Variants in PRKN observed in about 807,000 individuals in gnomAD.
PRKN encodes the protein parkin RBR E3 ubiquitin protein ligase.
In PRKN, 56 loss-of-function variants were observed where a neutral mutation model predicts 59.5. The observed-to-expected ratio is 0.94, with a 90% confidence interval of 0.76 to 1.18. The LOEUF is 1.18. Among genes scored for constraint, PRKN ranks in the 50% most tolerant of loss-of-function variants. PRKN has a pLI of 0.00. For synonymous variants in PRKN, 250 were observed against 222.1 expected (o/e 1.13, Z -1.12); for missense variants, 657 against 596.4 (o/e 1.10, Z -1.06).
At chr6:161,607,562 T>C (rs1782328076) in intron 7 of PRKN, among the ~76,000 whole-genome samples, 1 of 152,018 alleles carries the variant, frequency 6.6e-6, no homozygotes, top group Non-Finnish European at 1.5e-5. Context: ...TTTTAAAAAT[T>C]TAGTCAGTTT....
chr6:162,207,180 G>T (rs887867137), intron 3 of PRKN, among the ~76,000 whole-genome samples: 1 of 152,052 alleles, frequency 6.6e-6, no homozygotes, highest in African/African-American at 2.4e-5. Flanking sequence ...AGACCATCCT[G>T]GCTAACACGA....
intron 7 of PRKN, among the ~76,000 whole-genome samples, chr6:161,651,259 C>T (rs1341002186): frequency 6.6e-6 from 1 of 152,180 alleles, no homozygotes; most frequent in African/African-American, 2.4e-5. Context: ...AGCACTTCAT[C>T]CCCTTTGGTG....
At chr6:162,432,408 C>T (rs1789580002) in intron 2 of PRKN, among the ~76,000 whole-genome samples, 2 of 151,938 alleles carry the variant, frequency 1.3e-5, no homozygotes, top group African/African-American at 4.8e-5. Flanking sequence ...CAGCTGTAAT[C>T]CCAGCTACTA....
chr6:162,177,239 G>T (rs1160736801), intron 4 of PRKN, among the ~76,000 whole-genome samples: 1 of 151,794 alleles, frequency 6.6e-6, no homozygotes, highest in African/African-American at 2.4e-5. Flanking sequence ...TTTAAAAATA[G>T]AACTATAAAA....
chr6:161,799,379 G>T (rs1790986670), intron 6 of PRKN, among the ~76,000 whole-genome samples: 1 of 152,210 alleles, frequency 6.6e-6, no homozygotes, highest in African/African-American at 2.4e-5. Context: ...AGTGTCCAGA[G>T]GTCTGCAGTA....
chr6:162,226,767 C>T (rs548252841), intron 3 of PRKN, among the ~76,000 whole-genome samples: 8 of 152,246 alleles, frequency 5.3e-5, no homozygotes, highest in African/African-American at 1.4e-4. Flanking sequence ...CTTTTGAAGT[C>T]GTGAACTGCC....
chr6:161,832,702 A>G (rs893722423), intron 6 of PRKN, among the ~76,000 whole-genome samples: 1 of 151,358 alleles, frequency 6.6e-6, no homozygotes, highest in Non-Finnish European at 1.5e-5. Flanking sequence ...TAAGGCCTCC[A>G]TGGTGTCTTA....
chr6:162,078,273 T>C (rs550272608), intron 4 of PRKN, among the ~76,000 whole-genome samples: 2 of 152,196 alleles, frequency 1.3e-5, no homozygotes, highest in South Asian at 4.1e-4. Context: ...ACTTGTTCAG[T>C]TGTATCCCAT....
chr6:162,322,414 T>C (rs1158588656), intron 2 of PRKN, among the ~76,000 whole-genome samples: 4 of 152,086 alleles, frequency 2.6e-5, no homozygotes, highest in Non-Finnish European at 2.9e-5. Flanking sequence ...TCTTAGAAGA[T>C]GGTGATAGAA....
chr6:162,096,949 C>G (rs1246732107), intron 4 of PRKN, among the ~76,000 whole-genome samples: 1 of 146,766 alleles, frequency 6.8e-6, no homozygotes, highest in African/African-American at 2.5e-5. Context: ...TCAGTGCAAC[C>G]TCTGCCTCCC....
rs180985848 is a variant in PRKN at position 162,104,694 on chromosome 6, C to T, written c.535-50520G>A. On this transcript the variant is annotated intron_variant, in intron 4 of 11. Coordinates refer to ENST00000366898, the MANE Select transcript of PRKN (RefSeq NM_004562.3). ...TTCTCAACAAGCCCACCGTGTAACA[C>T]CAATTGTTGCTGGTCCACGTTCCAC... Among the ~76,000 whole-genome samples, 17 of 152,228 alleles carry T rather than the reference C, an allele frequency of 1.1e-4. No homozygotes were observed. The East Asian group carries it at 1.9e-3, about 17-fold the overall frequency.
chr6:162,330,311 C>G (rs1436016744), intron 2 of PRKN, among the ~76,000 whole-genome samples: 1 of 152,066 alleles, frequency 6.6e-6, no homozygotes, highest in Non-Finnish European at 1.5e-5. Flanking sequence ...TCTTCTGAAA[C>G]TGCAGACTCC....
intron 4 of PRKN, among the ~76,000 whole-genome samples, chr6:162,102,265 A>G (rs1780002724): frequency 6.7e-6 from 1 of 148,780 alleles, no homozygotes; most frequent in African/African-American, 2.5e-5. Flanking sequence ...TTCAGCTCCC[A>G]CTTATAAGTG....
At chr6:162,193,870 C>T (rs1376261141) in intron 4 of PRKN, among the ~76,000 whole-genome samples, 2 of 152,104 alleles carry the variant, frequency 1.3e-5, no homozygotes, top group Admixed American at 1.3e-4. Context: ...GGAGCAGGGG[C>T]ATAAACAATG....
chr6:162,243,120 G>A (rs1031777572), intron 3 of PRKN, among the ~76,000 whole-genome samples: 5 of 152,096 alleles, frequency 3.3e-5, no homozygotes, highest in African/African-American at 9.7e-5. Context: ...CCTCCACATG[G>A]CAATGACCGC....
intron 7 of PRKN, among the ~76,000 whole-genome samples, chr6:161,775,433 G>C (rs764701931): frequency 2.0e-4 from 30 of 151,972 alleles, no homozygotes; most frequent in Admixed American, 1.1e-3. Flanking sequence ...TGTAGAAAAG[G>C]GGTCTCCCTG....
intron 1 of PRKN, among the ~76,000 whole-genome samples, chr6:162,582,213 G>T (rs2128211573): frequency 6.6e-6 from 1 of 152,274 alleles, no homozygotes; most frequent in Non-Finnish European, 1.5e-5. Context: ...TGTATGCAAA[G>T]GATGCCTTGC....
chr6:162,386,784 A>G (rs1055409707), intron 2 of PRKN, among the ~76,000 whole-genome samples: 2 of 152,256 alleles, frequency 1.3e-5, no homozygotes, highest in Non-Finnish European at 2.9e-5. Flanking sequence ...GGTTGTATTG[A>G]GATTCCAATC....
chr6:162,640,971 A>G (rs138979010), intron 1 of PRKN, among the ~76,000 whole-genome samples: 1 of 152,182 alleles, frequency 6.6e-6, no homozygotes, highest in Non-Finnish European at 1.5e-5. Context: ...AGCAGGCAAG[A>G]GTAAATTTCT....
Sources: gnomAD v4.1 joint callset for allele counts (sites outside exome capture counted in the v4.1 genomes callset) on GRCh38, gnomAD v4.1.1 for gene constraint, MANE v1.5 for transcripts, NCBI Gene and HGNC (gene_info 2026-07-23, HGNC 2026-07-21) for gene names.